The following STK3 variants were observed in gnomAD, a reference collection of about 807,000 sequenced individuals.
STK3 encodes the protein serine/threonine kinase 3, also known as serine/threonine-protein kinase 3.
STK3 carries 41 observed loss-of-function variants against 58.0 expected under a neutral mutation model. The observed-to-expected ratio is 0.71, with a 90% CI of 0.55 to 0.92. The LOEUF is 0.92. Among genes scored for constraint, STK3 ranks in the 40% least tolerant of loss-of-function variants. The pLI is 0.00. For missense variants in STK3, 479 were observed against 602.7 expected (o/e 0.79, Z 2.15); for synonymous variants, 170 against 191.0 (o/e 0.89, Z 0.91).
Position 98,760,231 on chromosome 8 carries a change from T to A in STK3, c.236+7012A>T, listed in dbSNP as rs370747147. On this transcript the variant is annotated intron_variant, in intron 3 of 10. Coordinates refer to ENST00000419617, the MANE Select transcript of STK3 (RefSeq NM_006281.4). ...ATCATAGCTCACTGTAGCTTCAAAC[T>A]CTTGGGCTCAAGTGATCCTTCCACC... Among the ~76,000 whole-genome samples the A allele has an allele frequency of 1.1e-4, 16 of 152,300 alleles. No homozygotes were observed. The East Asian group carries it at 2.7e-3, about 26-fold the overall frequency.
At chr8:98,785,400 T>C (rs879519178) in intron 1 of STK3, among the ~76,000 whole-genome samples, 5 of 152,154 alleles carry the variant, frequency 3.3e-5, no homozygotes, top group Non-Finnish European at 5.9e-5. Flanking sequence ...GCAGAGAACT[T>C]AGGGCCAAGG....
chr8:98,755,107 C>A (rs1209416862), intron 3 of STK3, among the ~76,000 whole-genome samples: 1 of 152,182 alleles, frequency 6.6e-6, no homozygotes, highest in East Asian at 1.9e-4. Context: ...CTAACACCCA[C>A]GTAAGTAGAT....
chr8:98,625,776 A>C (rs1425485687), intron 6 of STK3, among the ~76,000 whole-genome samples: 6 of 152,214 alleles, frequency 3.9e-5, no homozygotes, highest in Non-Finnish European at 8.8e-5. Context: ...AGGAAGAAAA[A>C]GAAGTGTTTG....
downstream of STK3, among the ~76,000 whole-genome samples, chr8:98,367,272 C>T (rs1817573521): frequency 6.6e-6 from 1 of 152,244 alleles, no homozygotes; most frequent in African/African-American, 2.4e-5. Context: ...TAAAAGTTTT[C>T]TTAAAAAGTC....
At chr8:98,526,181 C>T (rs1189985665) in intron 10 of STK3, among the ~76,000 whole-genome samples, 1 of 151,646 alleles carries the variant, frequency 6.6e-6, no homozygotes. Context: ...GTAAGAAGAA[C>T]CAGGGTAGAA....
At chr8:98,439,114 T>C (rs962268362) in intron 1 of STK3, 7 of 152,236 alleles carry the variant, frequency 4.6e-5, no homozygotes, top group African/African-American at 1.7e-4. Flanking sequence ...TTAGCTGTTA[T>C]TGTAATTTGT....
intron 1 of STK3, among the ~76,000 whole-genome samples, chr8:98,441,302 G>T (rs948804727): frequency 2.6e-5 from 4 of 152,146 alleles, no homozygotes; most frequent in Non-Finnish European, 2.9e-5. Flanking sequence ...TTTGCAGCTT[G>T]CTCTGTTCTG....
intron 4 of STK3, among the ~76,000 whole-genome samples, chr8:98,718,893 T>G (rs1440789830): frequency 1.3e-5 from 2 of 152,222 alleles, no homozygotes; most frequent in African/African-American, 2.4e-5. Context: ...TTTTGGACAG[T>G]ACTGCACTAG....
chr8:98,475,299 T>C (rs1162307598), intron 10 of STK3, among the ~76,000 whole-genome samples: 6 of 152,208 alleles, frequency 3.9e-5, no homozygotes, highest in African/African-American at 1.4e-4. Context: ...AGTGTGTGCA[T>C]GATCTTGCTC....
intron 8 of STK3, among the ~76,000 whole-genome samples, chr8:98,572,837 T>C (rs1186440361): frequency 6.6e-6 from 1 of 152,160 alleles, no homozygotes; most frequent in East Asian, 1.9e-4. Context: ...CTCTCCAAAC[T>C]TTTTACTTTT....
At chr8:98,833,964 GAGA>G (rs1377943466) in intron 3 of STK3, among the ~76,000 whole-genome samples, 1 of 151,880 alleles carries the variant, frequency 6.6e-6, no homozygotes, top group Non-Finnish European at 1.5e-5. Flanking sequence ...GAACCATGCA[GAGA>G]AGAACTGAGA....
intron 6 of STK3, among the ~76,000 whole-genome samples, chr8:98,608,463 T>C (rs1228142804): frequency 3.9e-5 from 6 of 152,190 alleles, no homozygotes; most frequent in African/African-American, 1.4e-4. Flanking sequence ...CCAGCAACAG[T>C]ACCACAAACT....
chr8:98,916,976 G>T (rs1203140985), intron 1 of STK3, among the ~76,000 whole-genome samples: 1 of 152,200 alleles, frequency 6.6e-6, no homozygotes, highest in East Asian at 1.9e-4. Context: ...TGTGGAGGAG[G>T]AGCATCTGTT....
At chr8:98,741,161 C>G (rs1443534141) in intron 4 of STK3, among the ~76,000 whole-genome samples, 1 of 152,278 alleles carries the variant, frequency 6.6e-6, no homozygotes, top group South Asian at 2.1e-4. Context: ...CTTTAACACC[C>G]CACTGTCAAC....
intron 6 of STK3, among the ~76,000 whole-genome samples, chr8:98,653,920 AC>A (rs1821218470): frequency 3.9e-5 from 6 of 152,236 alleles, no homozygotes; most frequent in African/African-American, 1.4e-4. Context: ...AGGAACTGGT[AC>A]CATTCCTTCT....
At position 98,810,152 on chromosome 8, in the gene STK3, C is replaced by T. The variant is rs569081574; in HGVS notation, c.26+15363G>A. On this transcript the variant is annotated intron_variant, in intron 1 of 10. Transcript: ENST00000419617. The stretch of plus-strand genomic sequence containing the variant: ...ACCAGCACTGTGGGATGGTGCTAAA[C>T]CATTCATGAGAAACTGCTCTCATGA... Among the ~76,000 whole-genome samples, 3 of 152,296 alleles carry T rather than the reference C, an allele frequency of 2.0e-5. No homozygotes were observed. In the South Asian group the frequency reaches 6.2e-4, roughly 32 times the overall value.
intron 3 of STK3, among the ~76,000 whole-genome samples, chr8:98,420,051 T>C (rs1818152797): frequency 6.6e-6 from 1 of 152,228 alleles, no homozygotes; most frequent in Non-Finnish European, 1.5e-5. Context: ...ATCATTGTTT[T>C]CTAGTTGCCC....
intron 5 of STK3, 70 bp downstream of exon 5, chr8:98,707,077 T>A: frequency 6.8e-7 from 1 of 1,461,674 alleles, no homozygotes; most frequent in Non-Finnish European, 9.1e-7. Flanking sequence ...CAAAAAGTAA[T>A]TGAAGTTTAG....
At chr8:98,817,484 C>T (rs979179405) in intron 1 of STK3, among the ~76,000 whole-genome samples, 1 of 150,754 alleles carries the variant, frequency 6.6e-6, no homozygotes, top group African/African-American at 2.4e-5. Context: ...AATCAGTGTG[C>T]ATCATTTCCT....
Sources: gnomAD v4.1 joint callset for allele counts (sites outside exome capture counted in the v4.1 genomes callset) on GRCh38, gnomAD v4.1.1 for gene constraint, MANE v1.5 for transcripts, NCBI Gene and HGNC (gene_info 2026-07-23, HGNC 2026-07-21) for gene names.